Variants in PPARD observed in about 807,000 individuals in gnomAD.
The protein encoded by PPARD is peroxisome proliferator-activated receptor delta.
PPARD carries 6 observed loss-of-function variants against 39.5 expected under a neutral mutation model. That is an observed-to-expected ratio of 0.15 (90% CI 0.08 to 0.30). The LOEUF (loss-of-function observed/expected upper bound fraction) is 0.30, where lower values mean the gene tolerates loss of function less well. Among genes scored for constraint, PPARD ranks in the 10% least tolerant of loss-of-function variants. The pLI is 1.00. For synonymous variants in PPARD, 210 were observed against 231.3 expected (o/e 0.91, Z 0.83); for missense variants, 397 against 596.8 (o/e 0.67, Z 3.49).
At chr6:35,419,716 G>A (rs1766014694) in intron 3 of PPARD, among the ~76,000 whole-genome samples, 1 of 152,132 alleles carries the variant, frequency 6.6e-6, no homozygotes, top group South Asian at 2.1e-4. Flanking sequence ...TGGGCCACAC[G>A]GTGGCAACCT....
At chr6:35,397,342 G>A (rs560842762) in intron 2 of PPARD, among the ~76,000 whole-genome samples, 18 of 152,042 alleles carry the variant, frequency 1.2e-4, no homozygotes, top group African/African-American at 3.6e-4. Context: ...CCCCCCTCCC[G>A]CAACCACCAC....
chr6:35,362,906 GC>G (rs1297678425), intron 2 of PPARD, among the ~76,000 whole-genome samples: 2 of 152,148 alleles, frequency 1.3e-5, no homozygotes, highest in African/African-American at 4.8e-5. Context: ...CCCTCACCTG[GC>G]AGTGCCCAGC....
intron 2 of PPARD, among the ~76,000 whole-genome samples, chr6:35,360,333 A>G (rs1469697396): frequency 6.6e-6 from 1 of 152,210 alleles, no homozygotes; most frequent in Non-Finnish European, 1.5e-5. Context: ...AGATGTGCAC[A>G]TAGGGAGAGA....
At chr6:35,404,190 C>T (rs1764876782) in intron 2 of PPARD, among the ~76,000 whole-genome samples, 1 of 152,192 alleles carries the variant, frequency 6.6e-6, no homozygotes, top group Non-Finnish European at 1.5e-5. Context: ...AGACTTGAGC[C>T]AACCTGCCTT....
At chr6:35,405,637 T>C (rs1764998631) in intron 2 of PPARD, among the ~76,000 whole-genome samples, 1 of 151,808 alleles carries the variant, frequency 6.6e-6, no homozygotes, top group Admixed American at 6.6e-5. Flanking sequence ...TTGTGGTTGT[T>C]GTTGTTGTTT....
In PPARD at chr6:35,405,459, T is replaced by C. The variant is rs1764980651; in HGVS notation, c.-101-5528T>C. Among the ~76,000 whole-genome samples the C allele has an allele frequency of 2.0e-5, 3 of 151,980 alleles. No homozygotes were observed. The South Asian group carries it at 6.3e-4, about 32-fold the overall frequency. On this transcript the variant is annotated intron_variant, in intron 2 of 7. Coordinates refer to ENST00000360694, the MANE Select transcript of PPARD (RefSeq NM_006238.5). ...CTTGTGTTGTCTGGGGGTCTGAAGC[T>C]CCAGCCTCTTAAGTGGGGCAAAGCT...
At chr6:35,413,248 G>A (rs1292687132) in intron 3 of PPARD, among the ~76,000 whole-genome samples, 1 of 152,188 alleles carries the variant, frequency 6.6e-6, no homozygotes, top group Non-Finnish European at 1.5e-5. Flanking sequence ...AGGCAGCTTC[G>A]TTGTGGGATT....
At chr6:35,381,558 C>T (rs1763158547) in intron 2 of PPARD, among the ~76,000 whole-genome samples, 1 of 152,084 alleles carries the variant, frequency 6.6e-6, no homozygotes, top group African/African-American at 2.4e-5. Flanking sequence ...CTGCGGGAGC[C>T]CCAACCATCA....
At chr6:35,411,619 A>G (rs148218937) in intron 3 of PPARD, among the ~76,000 whole-genome samples, 66 of 152,370 alleles carry the variant, frequency 4.3e-4, no homozygotes, top group African/African-American at 1.4e-3. Flanking sequence ...TGTTATGATC[A>G]GTCGAAACAC....
chr6:35,356,737 T>C (rs9942501), intron 2 of PPARD, among the ~76,000 whole-genome samples: 14,656 of 152,198 alleles, frequency 0.096, 1,271 homozygotes, highest in African/African-American at 0.23. Context: ...GCCAAATGTC[T>C]CCTAGGGGGC....
intron 2 of PPARD, among the ~76,000 whole-genome samples, chr6:35,357,538 CTTT>C (rs752463569): frequency 1.4e-5 from 2 of 140,460 alleles, no homozygotes; most frequent in African/African-American, 5.2e-5. Context: ...CCACTGCCTA[CTTT>C]TTTTTTTTTT....
intron 2 of PPARD, among the ~76,000 whole-genome samples, chr6:35,352,742 G>A (rs748656473): frequency 3.9e-5 from 6 of 152,200 alleles, no homozygotes; most frequent in South Asian, 2.1e-4. Context: ...ACTTGATGCT[G>A]TTGAATGGAG....
chr6:35,363,874 AGT>A lies in PPARD; in HGVS notation c.-102+16729_-102+16730del, dbSNP rs1762049742. 6.6e-6 allele frequency among the ~76,000 whole-genome samples: 1 copy of A among 151,624 alleles called. No homozygotes were observed. Among genetic ancestry groups the A allele is most frequent in the African/African-American group, 2.4e-5 (1 of 41,310 alleles). The stretch of plus-strand genomic sequence containing the variant: ...CACATAACCAAATTCACCACTTTAA[AGT>A]GTGTACTTTGATGGTTTTTGTATAT... On this transcript the variant is annotated intron_variant, in intron 2 of 7. Transcript: ENST00000360694. This position sits in a 1 kb window ranked among gnomAD's most constrained non-coding sequence, Gnocchi z 4.5.
intron 2 of PPARD, among the ~76,000 whole-genome samples, chr6:35,387,658 T>G (rs2150643691): frequency 6.6e-6 from 1 of 152,190 alleles, no homozygotes; most frequent in Non-Finnish European, 1.5e-5. Context: ...TGGTTTTTTT[T>G]TTGATTGAGT....
chr6:35,348,496 A>C (rs534372514), intron 2 of PPARD: 1 of 985,374 alleles, frequency 1.0e-6, no homozygotes, highest in Non-Finnish European at 1.2e-6. Flanking sequence ...TCATTGTCCT[A>C]TTTGGAAGGC....
intron 2 of PPARD, among the ~76,000 whole-genome samples, chr6:35,357,274 G>A (rs916924715): frequency 6.6e-6 from 1 of 152,170 alleles, no homozygotes; most frequent in South Asian, 2.1e-4. Context: ...CATGAGAGGC[G>A]GCACTTCTGC....
intron 2 of PPARD, among the ~76,000 whole-genome samples, chr6:35,396,073 C>A (rs1764293047): frequency 6.6e-6 from 1 of 152,030 alleles, no homozygotes; most frequent in South Asian, 2.1e-4. Flanking sequence ...CCATTCCCTG[C>A]CTCCCTGTCT....
chr6:35,425,717 G>T lies in PPARD; in HGVS notation c.1079-115G>T. 1 of 1,435,186 alleles carries T rather than the reference G, an allele frequency of 7.0e-7. No individual in the cohort carries two copies. The highest frequency in any genetic ancestry group is 9.5e-7 in the Non-Finnish European group (1 of 1,054,618). The allele number at this position is 1,435,186 out of a possible 1,614,324, so 88.9% of individuals were successfully genotyped here. On this transcript the variant is annotated intron_variant, in intron 7 of 7. Coordinates refer to ENST00000360694, the MANE Select transcript of PPARD (RefSeq NM_006238.5). The surrounding 1 kb of genome is among the most constrained non-coding windows in gnomAD (Gnocchi z 4.5). The stretch of plus-strand genomic sequence containing the variant: ...GAGCATTGCTGATGGGACAGGGCTT[G>T]GTCTGTCACGGCCAAGGAGGCCTGC...
At chr6:35,403,705 T>TC (rs1764843403) in intron 2 of PPARD, among the ~76,000 whole-genome samples, 1 of 152,092 alleles carries the variant, frequency 6.6e-6, no homozygotes, top group Non-Finnish European at 1.5e-5. Context: ...GGTGTAGTGA[T>TC]TGCAGATCTG....
Sources: gnomAD v4.1 joint callset for allele counts (sites outside exome capture counted in the v4.1 genomes callset) on GRCh38, gnomAD v4.1.1 for gene constraint, Gnocchi (gnomAD v3.1) non-coding constraint, MANE v1.5 for transcripts, NCBI Gene and HGNC (gene_info 2026-07-23, HGNC 2026-07-21) for gene names.